SLC22A9: variants seen among roughly 807,000 people sequenced by gnomAD.
SLC22A9 encodes the protein solute carrier family 22 member 9, also known as organic anion transporter 7.
In SLC22A9, 64 loss-of-function variants were observed where a neutral mutation model predicts 50.1. The ratio of observed to expected loss-of-function variants is 1.28; its 90% CI spans 1.04 to 1.57. The LOEUF is 1.57. Among genes scored for constraint, SLC22A9 ranks in the 40% most tolerant of loss-of-function variants. The pLI, the probability that SLC22A9 is intolerant of heterozygous loss-of-function variation, is 0.00. For missense variants in SLC22A9, 757 were observed against 676.1 expected (o/e 1.12, Z -1.33); for synonymous variants, 261 against 242.5 (o/e 1.08, Z -0.71).
rs549762782 is a variant in SLC22A9, at chr11:63,382,290, C to T, written c.1073+13C>T. 6.3e-6 allele frequency: 10 copies of T among 1,584,466 alleles called. No individual in the cohort carries two copies. The African/African-American group carries it at 1.1e-4, about 17-fold the overall frequency. On this transcript the variant is annotated intron_variant, in intron 6 of 9. Transcript: ENST00000279178. ...TGTCCTTTACGAGGTAAGCTTCATG[C>T]AGTGTTTGAGGGTAAGTTACAGTAC...
At chr11:63,382,595 T>C (rs1486332044) in intron 6 of SLC22A9, among the ~76,000 whole-genome samples, 1 of 152,122 alleles carries the variant, frequency 6.6e-6, no homozygotes, top group Non-Finnish European at 1.5e-5. Context: ...ATGAGGTAAA[T>C]TACAAAGAGA....
At chr11:63,371,659 G>A (rs2014361724) in intron 2 of SLC22A9, among the ~76,000 whole-genome samples, 1 of 152,170 alleles carries the variant, frequency 6.6e-6, no homozygotes, top group African/African-American at 2.4e-5. Flanking sequence ...AGTTCCAAGT[G>A]TGATGAACAC....
intron 1 of SLC22A9, 107 bp from the exon 2 acceptor site, chr11:63,371,028 A>C: frequency 1.4e-6 from 1 of 726,634 alleles, no homozygotes; most frequent in Non-Finnish European, 2.3e-6. Context: ...GCCACAGAGG[A>C]AGTTAGAGAC....
chr11:63,370,468 T>C lies in SLC22A9; in HGVS notation c.402+10T>C. The stretch of plus-strand genomic sequence containing the variant: ...CACCATCGTGACTGAGGTAAGAGGC[T>C]CTGTTCTCGTCTCATGAGTATGTGA... On this transcript the variant is annotated intron_variant, in intron 1 of 9. Transcript: ENST00000279178. 1.3e-6 allele frequency: 2 copies of C among 1,554,966 alleles called. No individual in the cohort carries two copies. Among genetic ancestry groups the C allele is most frequent in the Admixed American group, 3.9e-5 (2 of 50,778 alleles).
chr11:63,393,310 G>T (rs2014796892), intron 6 of SLC22A9, among the ~76,000 whole-genome samples: 1 of 152,122 alleles, frequency 6.6e-6, no homozygotes, highest in Non-Finnish European at 1.5e-5. Flanking sequence ...GTGTATAGAA[G>T]AGCAACTGAT....
At chr11:63,390,501 T>G (rs577803571) in intron 6 of SLC22A9, among the ~76,000 whole-genome samples, 8 of 152,286 alleles carry the variant, frequency 5.3e-5, no homozygotes, top group African/African-American at 1.9e-4. Context: ...TGTGGTATTA[T>G]TTCTGAGGTC....
At chr11:63,393,076 G>T (rs1209850469) in intron 6 of SLC22A9, among the ~76,000 whole-genome samples, 3 of 152,056 alleles carry the variant, frequency 2.0e-5, no homozygotes, top group Non-Finnish European at 4.4e-5. Context: ...ATTGCTTTTG[G>T]CAGTATGGTC....
intron 6 of SLC22A9, among the ~76,000 whole-genome samples, chr11:63,405,398 A>T (rs572565493): frequency 6.6e-6 from 1 of 152,302 alleles, no homozygotes; most frequent in African/African-American, 2.4e-5. Flanking sequence ...TAAACTTGTA[A>T]TCAAAATGAA....
chr11:63,393,120 C>T (rs770755201), intron 6 of SLC22A9, among the ~76,000 whole-genome samples: 3 of 152,164 alleles, frequency 2.0e-5, no homozygotes. Flanking sequence ...CATCCATTAA[C>T]ATGGGATGTG....
Position 63,409,979 on chromosome 11 carries a change from G to T in SLC22A9, c.*117G>T, listed in dbSNP as rs979129470. 1 of 1,135,226 alleles carries T rather than the reference G, an allele frequency of 8.8e-7. No individual in the cohort carries two copies. The highest frequency in any genetic ancestry group is 1.6e-5 in the African/African-American group (1 of 63,908). 70.3% of individuals were successfully genotyped at this position (1,135,226 alleles called of 1,614,324 possible). On this transcript the variant is annotated 3_prime_UTR_variant, in exon 10 of 10. Coordinates refer to ENST00000279178, the MANE Select transcript of SLC22A9 (RefSeq NM_080866.3). ...AACAAGGCTGGGTGCGGTGGCTCACGCCTGTAATCCCAGCACCTTGGGAGG... is the reference window on the plus strand; with the variant it reads ...AACAAGGCTGGGTGCGGTGGCTCACTCCTGTAATCCCAGCACCTTGGGAGG...
intron 5 of SLC22A9, among the ~76,000 whole-genome samples, chr11:63,378,988 G>C (rs956524088): frequency 4.6e-5 from 7 of 151,874 alleles, no homozygotes; most frequent in Non-Finnish European, 1.0e-4. Context: ...AACTACCAAA[G>C]ACATTTTTTA....
chr11:63,398,972 A>G (rs970949338), intron 6 of SLC22A9, among the ~76,000 whole-genome samples: 2 of 152,210 alleles, frequency 1.3e-5, no homozygotes, highest in Admixed American at 1.3e-4. Flanking sequence ...CATCCTTATT[A>G]AGGCAAATAA....
At chr11:63,405,837 T>C (rs2015027280) in intron 6 of SLC22A9, among the ~76,000 whole-genome samples, 1 of 152,192 alleles carries the variant, frequency 6.6e-6, no homozygotes, top group South Asian at 2.1e-4. Flanking sequence ...TAAAAGCAAT[T>C]ACTTATAATA....
At chr11:63,375,620 C>T in intron 4 of SLC22A9, 25 bp from the exon 5 acceptor site, 1 of 1,601,214 alleles carries the variant, frequency 6.2e-7, no homozygotes, top group Non-Finnish European at 8.5e-7. Flanking sequence ...AAGTCGACTG[C>T]CCCTCTGTTC....
chr11:63,375,665 G>C lies in SLC22A9; in HGVS notation c.851G>C (p.Arg284Pro), dbSNP rs201479912. 3 of 1,612,342 alleles carry C rather than the reference G, an allele frequency of 1.9e-6. No homozygotes were observed. The highest frequency in any genetic ancestry group is 2.2e-5 in the East Asian group (1 of 44,820). The stretch of plus-strand genomic sequence containing the variant: ...GTCAGTTGGCTGCTAGAGTCTGCTC[G>C]GTGGCTCATTATCAACAATAAACCA... ...LTSSWLLESA[R>P]WLIINNKPEE... Residue 284 changes from arginine to proline, a missense_variant, in exon 5 of 10, where the codon CGG becomes CCG. Coordinates refer to ENST00000279178, the MANE Select transcript of SLC22A9 (RefSeq NM_080866.3).
chr11:63,408,858 C>A lies in SLC22A9; in HGVS notation c.1580C>A (p.Thr527Asn). The change falls in exon 9 of 10, where the codon ACC (threonine) becomes AAC (asparagine). Residue 527 changes from threonine (T) to asparagine (N), a missense_variant. By Grantham distance (65) the Thr-to-Asn change is moderately conservative (BLOSUM62 0). Coordinates refer to ENST00000279178, the MANE Select transcript of SLC22A9 (RefSeq NM_080866.3). ...PETRNKPLFD[T>N]IQDEKNERKD... The stretch of plus-strand genomic sequence containing the variant: ...ACCAGGAACAAGCCTCTGTTTGACA[C>A]CATCCAGGATGAGAAAAATGAGTGA... 2 of 1,613,914 alleles carry A rather than the reference C, an allele frequency of 1.2e-6. No individual in the cohort carries two copies. Among genetic ancestry groups the A allele is most frequent in the Non-Finnish European group, 8.5e-7 (1 of 1,179,886 alleles).
intron 5 of SLC22A9, 56 bp from the exon 6 acceptor site, chr11:63,382,103 C>T: frequency 4.4e-6 from 6 of 1,367,070 alleles, no homozygotes; most frequent in Non-Finnish European, 6.1e-6. Flanking sequence ...AGTGCGCCTA[C>T]AGTGCCTACT....
rs542083214 is a variant in SLC22A9, at chr11:63,402,521, G to T, written c.1074-3976G>T. Among the ~76,000 whole-genome samples the T allele has an allele frequency of 6.6e-5, 10 of 152,082 alleles. No individual in the cohort carries two copies. In the South Asian group the frequency reaches 2.1e-3, roughly 32 times the overall value. ...ATGCTGTTTTCATTACTGTAGCCTT[G>T]TTGTGTAGTTTGAAATCAGGTAGTG... is the stretch of plus-strand genomic sequence containing the variant. On this transcript the variant is annotated intron_variant, in intron 6 of 9. Coordinates refer to ENST00000279178, the MANE Select transcript of SLC22A9 (RefSeq NM_080866.3).
At chr11:63,398,124 C>T (rs982736722) in intron 6 of SLC22A9, among the ~76,000 whole-genome samples, 1 of 152,170 alleles carries the variant, frequency 6.6e-6, no homozygotes, top group Non-Finnish European at 1.5e-5. Flanking sequence ...GGCCTGCGTC[C>T]TTCCCTTCAA....
Sources: allele counts gnomAD v4.1 joint callset (sites outside exome capture counted in the v4.1 genomes callset), GRCh38; gene constraint gnomAD v4.1.1; transcripts MANE v1.5; gene names NCBI Gene and HGNC (gene_info 2026-07-23, HGNC 2026-07-21).